The following CNTNAP3B variants were observed in gnomAD, a reference collection of about 807,000 sequenced individuals.
CNTNAP3B encodes contactin associated protein family member 3B.
Under a neutral mutation model 108.9 loss-of-function variants are expected in CNTNAP3B, and 25 were observed. The ratio of observed to expected loss-of-function variants is 0.23; its 90% CI spans 0.17 to 0.32. The LOEUF is 0.32. Ranked by LOEUF, CNTNAP3B falls within the 10% of genes least tolerant of loss-of-function variation. The pLI, the probability that CNTNAP3B is intolerant of heterozygous loss-of-function variation, is 1.00. For missense variants in CNTNAP3B, 252 were observed against 1,210.4 expected, an observed-to-expected ratio of 0.21 and a Z score of 11.75; for synonymous variants, 103 against 473.4, an observed-to-expected ratio of 0.22 and a Z score of 10.16.
chr9:41,977,465 G>T (rs909985811), intron 9 of CNTNAP3B, among the ~76,000 whole-genome samples: 3 of 140,572 alleles, frequency 2.1e-5, no homozygotes, highest in African/African-American at 8.4e-5. Flanking sequence ...GCACACCTCG[G>T]AATATGAGGA....
intron 3 of CNTNAP3B, among the ~76,000 whole-genome samples, chr9:42,027,777 T>A (rs1225185832): frequency 7.9e-6 from 1 of 125,948 alleles, no homozygotes; most frequent in Non-Finnish European, 1.7e-5. Context: ...AGTATGCTAA[T>A]GACATTTTAG....
At chr9:41,935,817 A>AT (rs1366563620) in intron 14 of CNTNAP3B, among the ~76,000 whole-genome samples, 7 of 152,260 alleles carry the variant, frequency 4.6e-5, no homozygotes, top group Admixed American at 3.9e-4. Flanking sequence ...TCTCTCCTGA[A>AT]TTTTTTTCCA....
At chr9:42,097,666 A>C in intron 2 of CNTNAP3B, among the ~76,000 whole-genome samples, 1 of 137,756 alleles carries the variant, frequency 7.3e-6, no homozygotes, top group Non-Finnish European at 1.5e-5. Flanking sequence ...TTGATCTTAC[A>C]TTTTGATTTT....
chr9:41,937,053 T>C (rs1486955010), intron 14 of CNTNAP3B, among the ~76,000 whole-genome samples: 1 of 150,484 alleles, frequency 6.6e-6, no homozygotes, highest in Non-Finnish European at 1.5e-5. Context: ...AGATTAGCTA[T>C]TTTATGTCCA....
At chr9:41,964,251 A>G (rs1490202687) in intron 11 of CNTNAP3B, among the ~76,000 whole-genome samples, 3 of 152,122 alleles carry the variant, frequency 2.0e-5, no homozygotes, top group Admixed American at 2.0e-4. Context: ...TGCATTTTTA[A>G]TTTAATTTAG....
At chr9:42,038,559 C>A (rs866628023) in intron 3 of CNTNAP3B, among the ~76,000 whole-genome samples, 9 of 123,182 alleles carry the variant, frequency 7.3e-5, no homozygotes, top group Non-Finnish European at 1.4e-4. Flanking sequence ...GTAAAGGGAC[C>A]AATTCAACAA....
intron 9 of CNTNAP3B, among the ~76,000 whole-genome samples, chr9:41,979,047 G>A (rs1825573310): frequency 7.2e-6 from 1 of 138,496 alleles, no homozygotes; most frequent in South Asian, 2.3e-4. Flanking sequence ...TGGGGTCAGG[G>A]AGGAACCCAG....
intron 3 of CNTNAP3B, among the ~76,000 whole-genome samples, chr9:42,062,104 C>T (rs1827190323): frequency 2.1e-5 from 1 of 47,602 alleles, no homozygotes; most frequent in African/African-American, 7.0e-5. Context: ...TGCAGTGGTG[C>T]AATCTCAGCT....
intron 15 of CNTNAP3B, among the ~76,000 whole-genome samples, chr9:41,924,680 C>CACACACACACACACAT (rs1823763886): frequency 6.9e-6 from 1 of 145,392 alleles, no homozygotes; most frequent in African/African-American, 2.6e-5. Context: ...CACACACACA[C>CACACACACACACACAT]ACACACACAC....
At chr9:41,956,185 G>A (rs1450543301) in intron 12 of CNTNAP3B, among the ~76,000 whole-genome samples, 5 of 152,312 alleles carry the variant, frequency 3.3e-5, no homozygotes, top group African/African-American at 9.6e-5. Context: ...AGGAGATCGA[G>A]ACCATCCTGG....
At chr9:42,018,792 T>C (rs1277337144) in intron 3 of CNTNAP3B, among the ~76,000 whole-genome samples, 1 of 151,826 alleles carries the variant, frequency 6.6e-6, no homozygotes, top group Non-Finnish European at 1.5e-5. Context: ...ATATACTGGT[T>C]CTGTGACTAT....
chr9:41,941,760 G>A (rs1824350472), intron 13 of CNTNAP3B, among the ~76,000 whole-genome samples: 1 of 149,108 alleles, frequency 6.7e-6, no homozygotes, highest in African/African-American at 2.5e-5. Flanking sequence ...CACTTAAAAT[G>A]TAACTGACTA....
At chr9:41,931,881 G>A (rs970164752) in intron 14 of CNTNAP3B, among the ~76,000 whole-genome samples, 4 of 149,734 alleles carry the variant, frequency 2.7e-5, no homozygotes, top group Non-Finnish European at 4.4e-5. Context: ...TCTATTTCAC[G>A]GGAGCTCCAA....
At chr9:41,951,065 T>A (rs530411916) in intron 13 of CNTNAP3B, among the ~76,000 whole-genome samples, 42 of 95,594 alleles carry the variant, frequency 4.4e-4, no homozygotes, top group African/African-American at 1.4e-3. Context: ...ATAGGAGGAA[T>A]TCTTGTGCTG....
chr9:42,098,787 T>C (rs1827964263), intron 2 of CNTNAP3B, among the ~76,000 whole-genome samples: 1 of 130,210 alleles, frequency 7.7e-6, no homozygotes, highest in Admixed American at 7.8e-5. Flanking sequence ...CTATTTTTTC[T>C]ATTGAGTTGA....
At chr9:42,110,849 T>C (rs1301350490) in intron 1 of CNTNAP3B, among the ~76,000 whole-genome samples, 3 of 139,886 alleles carry the variant, frequency 2.1e-5, no homozygotes, top group South Asian at 4.6e-4. Context: ...CAAAAGTTCA[T>C]CTTATTATGA....
In CNTNAP3B at chr9:41,980,765, GACAAACCC is replaced by G. The variant is rs1825614102; in HGVS notation, c.1477+5395_1477+5402del. 4 of 142,914 alleles carry G rather than the reference GACAAACCC, an allele frequency of 2.8e-5. No homozygotes were observed. In the South Asian group the frequency reaches 8.8e-4, roughly 31 times the overall value. The allele number at this position is 142,914 out of a possible 1,614,324, so 8.9% of individuals were successfully genotyped here. ...CTTCAACATAGTAAGAGCCACCTAT[GACAAACCC>G]ACAGCCAGCATCATACTGAATGGGC... On this transcript the variant is annotated intron_variant, in intron 9 of 23. Transcript: ENST00000377561.
At chr9:42,086,319 A>G (rs924622684) in intron 2 of CNTNAP3B, among the ~76,000 whole-genome samples, 2 of 138,280 alleles carry the variant, frequency 1.4e-5, no homozygotes, top group African/African-American at 2.8e-5. Context: ...ACAATTCAAG[A>G]TGAGATCTGA....
intron 10 of CNTNAP3B, among the ~76,000 whole-genome samples, chr9:41,966,657 G>A (rs1825285810): frequency 6.6e-6 from 1 of 152,280 alleles, no homozygotes; most frequent in African/African-American, 2.4e-5. Flanking sequence ...TCTGATGTAA[G>A]AGGTGATTAA....
Sources: gnomAD v4.1 joint callset for allele counts (sites outside exome capture counted in the v4.1 genomes callset) on GRCh38, gnomAD v4.1.1 for gene constraint, MANE v1.5 for transcripts, NCBI Gene and HGNC (gene_info 2026-07-23, HGNC 2026-07-21) for gene names.